The following SLC25A48 variants were observed in gnomAD, a reference collection of about 807,000 sequenced individuals.
SLC25A48 encodes the protein CTC-321K16.1.
In SLC25A48, 29 loss-of-function variants were observed where a neutral mutation model predicts 32.2. That is an observed-to-expected ratio of 0.90 (90% CI 0.67 to 1.23). The LOEUF is 1.23. Ranked by LOEUF, SLC25A48 falls within the 50% of genes most tolerant of loss-of-function variation. SLC25A48 has a pLI of 0.00. For missense variants in SLC25A48, 399 were observed against 422.7 expected (o/e 0.94, Z 0.49); for synonymous variants, 164 against 172.3 (o/e 0.95, Z 0.38).
chr5:135,808,107 T>C (rs1561503053), intron 3 of SLC25A48, among the ~76,000 whole-genome samples: 2 of 151,134 alleles, frequency 1.3e-5, no homozygotes, highest in Non-Finnish European at 3.0e-5. Context: ...GATATTTTAT[T>C]AATATCACAG....
At chr5:135,602,077 T>C (rs924067143) in intron 1 of SLC25A48, among the ~76,000 whole-genome samples, 1 of 152,210 alleles carries the variant, frequency 6.6e-6, no homozygotes, top group Non-Finnish European at 1.5e-5. Flanking sequence ...TTCCTATCTC[T>C]TAATTTTTTG....
At chr5:135,863,691 T>C (rs1760979487) in intron 4 of SLC25A48, among the ~76,000 whole-genome samples, 1 of 152,188 alleles carries the variant, frequency 6.6e-6, no homozygotes, top group African/African-American at 2.4e-5. Flanking sequence ...CGAGGCTGAA[T>C]TACATAATTT....
At chr5:135,860,430 G>T (rs986730186) in intron 4 of SLC25A48, among the ~76,000 whole-genome samples, 1 of 152,208 alleles carries the variant, frequency 6.6e-6, no homozygotes, top group Non-Finnish European at 1.5e-5. Flanking sequence ...AGCTGGGAGT[G>T]GTGGGGACTG....
chr5:135,709,360 A>G (rs1375629201), intron 3 of SLC25A48, among the ~76,000 whole-genome samples: 1 of 152,176 alleles, frequency 6.6e-6, no homozygotes, highest in African/African-American at 2.4e-5. Context: ...TTCCCCCTGA[A>G]TTTTGTGGGA....
rs113359836 is a variant in SLC25A48 at position 135,806,180 on chromosome 5, C to A, written c.-520-6343C>A. Among the ~76,000 whole-genome samples, 537 of 151,708 alleles carry A rather than the reference C, an allele frequency of 3.5e-3. 6 individuals carry two copies. The highest frequency in any genetic ancestry group is 0.012 in the African/African-American group (497 of 41,460). On this transcript the variant is annotated intron_variant, in intron 3 of 10. Coordinates refer to the SLC25A48 transcript ENST00000646290. ...AGTGGGTGTACACACTGGATGTACA[C>A]CCCGTGATATGATTCATAATATCTA...
intron 4 of SLC25A48, among the ~76,000 whole-genome samples, chr5:135,829,356 C>T (rs995738206): frequency 6.6e-6 from 1 of 152,182 alleles, no homozygotes; most frequent in African/African-American, 2.4e-5. Flanking sequence ...CCTGCCTGGC[C>T]TTCAGTCAGG....
chr5:135,733,492 A>G (rs549355401), intron 3 of SLC25A48, among the ~76,000 whole-genome samples: 2 of 152,206 alleles, frequency 1.3e-5, no homozygotes, highest in Non-Finnish European at 2.9e-5. Context: ...TAGAAAGTAT[A>G]TGCATCAGGT....
intron 6 of SLC25A48, among the ~76,000 whole-genome samples, chr5:135,878,156 G>A (rs911509857): frequency 2.0e-5 from 3 of 152,188 alleles, no homozygotes; most frequent in African/African-American, 7.2e-5. Flanking sequence ...CCTTCTGTGG[G>A]CTCTGCAGCA....
chr5:135,769,189 G>A (rs564009960), intron 3 of SLC25A48, among the ~76,000 whole-genome samples: 4 of 143,958 alleles, frequency 2.8e-5, no homozygotes, highest in African/African-American at 1.0e-4. Flanking sequence ...AATATTTATG[G>A]GGGGAAAGGA....
intron 7 of SLC25A48, among the ~76,000 whole-genome samples, chr5:135,885,377 C>T (rs1762678483): frequency 6.6e-6 from 1 of 152,194 alleles, no homozygotes; most frequent in African/African-American, 2.4e-5. Flanking sequence ...GGCTTCCCTG[C>T]CTCTATGCTT....
intron 3 of SLC25A48, among the ~76,000 whole-genome samples, chr5:135,721,287 C>T (rs1221559676): frequency 6.9e-6 from 1 of 145,340 alleles, no homozygotes; most frequent in African/African-American, 2.5e-5. Context: ...CTGAAACCTC[C>T]ATCTCCTGGG....
intron 3 of SLC25A48, among the ~76,000 whole-genome samples, chr5:135,809,471 C>T (rs1757545987): frequency 6.6e-6 from 1 of 152,168 alleles, no homozygotes; most frequent in African/African-American, 2.4e-5. Flanking sequence ...GATCCTCCCT[C>T]TATTTTTAAA....
intron 1 of SLC25A48, among the ~76,000 whole-genome samples, chr5:135,627,705 G>A (rs556318324): frequency 4.6e-5 from 7 of 152,196 alleles, no homozygotes; most frequent in Admixed American, 6.5e-5. Flanking sequence ...GCTGCAGTGA[G>A]CCACTGGTGG....
At chr5:135,786,319 C>T (rs796722742) in intron 3 of SLC25A48, among the ~76,000 whole-genome samples, 4 of 152,036 alleles carry the variant, frequency 2.6e-5, no homozygotes, top group South Asian at 2.1e-4. Flanking sequence ...CTAATGTCTC[C>T]GTGTGTGTAC....
At chr5:135,721,809 T>A (rs1251323426) in intron 3 of SLC25A48, among the ~76,000 whole-genome samples, 1 of 152,178 alleles carries the variant, frequency 6.6e-6, no homozygotes, top group Non-Finnish European at 1.5e-5. Context: ...GCTCACTGAC[T>A]GGGAGGGTGC....
chr5:135,879,853 C>G, intron 6 of SLC25A48, 115 bp from the exon 7 acceptor site: 1 of 1,420,718 alleles, frequency 7.0e-7, no homozygotes, highest in Non-Finnish European at 9.4e-7. Flanking sequence ...CCTTTGGGCT[C>G]TGGTGGGGGA....
intron 2 of SLC25A48, among the ~76,000 whole-genome samples, chr5:135,632,061 G>C (rs1022586391): frequency 6.6e-6 from 1 of 152,208 alleles, no homozygotes; most frequent in African/African-American, 2.4e-5. Flanking sequence ...AAAGAGGTGT[G>C]TAAGGCTAAC....
chr5:135,623,364 C>T (rs1580731285), intron 1 of SLC25A48, among the ~76,000 whole-genome samples: 1 of 152,320 alleles, frequency 6.6e-6, no homozygotes, highest in East Asian at 1.9e-4. Flanking sequence ...ATTCTGAAGA[C>T]AGGTGTTTCC....
intron 1 of SLC25A48, among the ~76,000 whole-genome samples, chr5:135,583,596 A>G (rs1751283395): frequency 6.6e-6 from 1 of 151,584 alleles, no homozygotes; most frequent in Admixed American, 6.6e-5. Flanking sequence ...AGGCCCAGCA[A>G]TGGGGTTGAC....
Sources: gnomAD v4.1 joint callset for allele counts (sites outside exome capture counted in the v4.1 genomes callset) on GRCh38, gnomAD v4.1.1 for gene constraint, MANE v1.5 for transcripts, NCBI Gene and HGNC (gene_info 2026-07-23, HGNC 2026-07-21) for gene names.